The following EPHA6 variants were observed in gnomAD, a reference collection of about 807,000 sequenced individuals.
The protein encoded by EPHA6 is EPH receptor A6.
A neutral mutation model predicts 112.0 loss-of-function variants in EPHA6; 50 were observed. The ratio of observed to expected loss-of-function variants is 0.45; its 90% CI spans 0.36 to 0.56. The LOEUF (loss-of-function observed/expected upper bound fraction) is 0.56. EPHA6 is among the 20% of genes least tolerant of loss of function. The probability of loss-of-function intolerance (pLI) is 0.00; values close to 1 mark genes in which losing one functional copy is unlikely to be tolerated. For synonymous variants in EPHA6, 529 were observed against 490.7 expected (o/e 1.08, Z -1.03); for missense variants, 1,280 against 1,417.4 (o/e 0.90, Z 1.56).
chr3:97,643,885 A>T (rs1451976883), intron 14 of EPHA6, among the ~76,000 whole-genome samples: 1 of 150,984 alleles, frequency 6.6e-6, no homozygotes, highest in South Asian at 2.1e-4. Context: ...TCAATGAGAC[A>T]GAAAGTCAAC....
chr3:96,815,877 T>G (rs1237005505), intron 1 of EPHA6, among the ~76,000 whole-genome samples: 3 of 152,200 alleles, frequency 2.0e-5, no homozygotes, highest in African/African-American at 7.2e-5. Context: ...CCTTTCAGAC[T>G]AAGCATGAAA....
chr3:96,953,934 G>T (rs149395072), intron 2 of EPHA6, among the ~76,000 whole-genome samples: 6 of 151,806 alleles, frequency 4.0e-5, no homozygotes, highest in East Asian at 1.9e-4. Flanking sequence ...GTGCAGTGGC[G>T]CAATCTCAGC....
chr3:97,489,673 G>A (rs1203972755), intron 10 of EPHA6, among the ~76,000 whole-genome samples: 7 of 147,232 alleles, frequency 4.8e-5, no homozygotes, highest in African/African-American at 1.3e-4. Flanking sequence ...GCGAAAAAGC[G>A]AGACTCCGTC....
Position 97,329,059 on chromosome 3 carries a change from A to G in EPHA6, c.1607-76091A>G, listed in dbSNP as rs564727938. ...TCAACTCCCACCTATGAGTGACAAC[A>G]TGCGGTGTTTGGTTTTTTGTCCTTG... is the stretch of plus-strand genomic sequence containing the variant. On this transcript the variant is annotated intron_variant, in intron 5 of 17. Coordinates refer to ENST00000389672, the MANE Select transcript of EPHA6 (RefSeq NM_001080448.3). Among the ~76,000 whole-genome samples the G allele has an allele frequency of 1.6e-3, 239 of 152,016 alleles. 1 individual carries two copies. The highest frequency in any genetic ancestry group is 2.9e-3 in the Non-Finnish European group (197 of 68,008).
At chr3:97,199,702 C>G (rs973554807) in intron 3 of EPHA6, among the ~76,000 whole-genome samples, 3 of 152,130 alleles carry the variant, frequency 2.0e-5, no homozygotes, top group Non-Finnish European at 2.9e-5. Flanking sequence ...ATTCATTCTG[C>G]TCTAAGAACT....
chr3:97,134,431 G>A (rs889768225), intron 3 of EPHA6, among the ~76,000 whole-genome samples: 1 of 152,076 alleles, frequency 6.6e-6, no homozygotes, highest in Non-Finnish European at 1.5e-5. Context: ...TTGGCTACTG[G>A]TGTATGTGCA....
At chr3:97,631,028 T>A (rs185692438) in intron 13 of EPHA6, among the ~76,000 whole-genome samples, 40 of 152,124 alleles carry the variant, frequency 2.6e-4, no homozygotes, top group African/African-American at 8.4e-4. Flanking sequence ...AAGGTTAGAT[T>A]GATTTATGCG....
chr3:97,173,541 C>T (rs1232925433), intron 3 of EPHA6, among the ~76,000 whole-genome samples: 1 of 151,720 alleles, frequency 6.6e-6, no homozygotes, highest in Non-Finnish European at 1.5e-5. Context: ...TACTATGTGT[C>T]AGGAAACAGA....
chr3:97,536,377 C>T (rs1463510126), intron 11 of EPHA6, among the ~76,000 whole-genome samples: 1 of 152,148 alleles, frequency 6.6e-6, no homozygotes, highest in Non-Finnish European at 1.5e-5. Flanking sequence ...AAGTGCCTAC[C>T]TCCCAGCTTA....
intron 5 of EPHA6, among the ~76,000 whole-genome samples, chr3:97,329,357 G>A (rs2082656968): frequency 6.6e-6 from 1 of 151,232 alleles, no homozygotes; most frequent in Admixed American, 6.6e-5. Flanking sequence ...GGGTCAAATG[G>A]TATTTCTAGT....
At chr3:97,666,649 C>T (rs2030147211) in intron 14 of EPHA6, among the ~76,000 whole-genome samples, 1 of 152,100 alleles carries the variant, frequency 6.6e-6, no homozygotes, top group Admixed American at 6.5e-5. Flanking sequence ...AGAAGCCCAC[C>T]CTACTTCAGT....
At chr3:97,355,356 T>C (rs181227866) in intron 5 of EPHA6, among the ~76,000 whole-genome samples, 1 of 152,168 alleles carries the variant, frequency 6.6e-6, no homozygotes, top group East Asian at 1.9e-4. Context: ...CAAGAAACAG[T>C]TCAAAACCAG....
At chr3:97,655,162 T>C (rs1271968114) in intron 14 of EPHA6, among the ~76,000 whole-genome samples, 1 of 149,750 alleles carries the variant, frequency 6.7e-6, no homozygotes, top group African/African-American at 2.4e-5. Flanking sequence ...TTTTTGTGTA[T>C]GTTTTGGGGT....
In EPHA6 at chr3:97,491,038, A is replaced by G. The variant is rs1286577396; in HGVS notation, c.2200+6979A>G. Among the ~76,000 whole-genome samples, 4 of 152,346 alleles carry G rather than the reference A, an allele frequency of 2.6e-5. No individual in the cohort carries two copies. In the South Asian group the frequency reaches 8.3e-4, roughly 32 times the overall value. On this transcript the variant is annotated intron_variant, in intron 10 of 17. Transcript: ENST00000389672. ...CATCTCCAACGTGGCAGCTTGCTTC[A>G]TCAAAGCCAGCAACAGAGTCTGCTA...
intron 5 of EPHA6, among the ~76,000 whole-genome samples, chr3:97,363,222 ATATATATATATAT>A (rs2084493689): frequency 9.7e-5 from 7 of 72,454 alleles, no homozygotes; most frequent in Admixed American, 5.9e-4. Context: ...ATATATATAT[ATATATATATATAT>A]ATAAATCTCA....
rs145260179 is a variant in EPHA6, at chr3:96,817,039, T to C, written c.385+2031T>C. The stretch of plus-strand genomic sequence containing the variant: ...TTAAATAGAAGCATTAAAGATTGTC[T>C]ACTTAAACTCTTAATTTGAATTTGT... On this transcript the variant is annotated intron_variant, in intron 1 of 17. Coordinates refer to ENST00000389672, the MANE Select transcript of EPHA6 (RefSeq NM_001080448.3). Among the ~76,000 whole-genome samples the C allele has an allele frequency of 1.3e-3, 204 of 152,176 alleles. 8 individuals are homozygous for C. The East Asian group carries it at 0.037, about 27-fold the overall frequency.
At chr3:97,274,856 G>A (rs756511995) in intron 5 of EPHA6, among the ~76,000 whole-genome samples, 6 of 152,132 alleles carry the variant, frequency 3.9e-5, no homozygotes, top group South Asian at 2.1e-4. Flanking sequence ...GTGGGAGGCC[G>A]GATTGAAGTC....
intron 3 of EPHA6, among the ~76,000 whole-genome samples, chr3:97,050,974 A>G (rs78902682): frequency 1.3e-5 from 2 of 152,176 alleles, no homozygotes; most frequent in Admixed American, 1.3e-4. Flanking sequence ...TAGTCCTGGT[A>G]TGAAGAATTC....
At chr3:97,170,424 G>T (rs1424917649) in intron 3 of EPHA6, among the ~76,000 whole-genome samples, 1 of 152,072 alleles carries the variant, frequency 6.6e-6, no homozygotes. Context: ...CAAGTTTAAG[G>T]CTTGTGCTGA....
Sources: allele counts gnomAD v4.1 joint callset (sites outside exome capture counted in the v4.1 genomes callset), GRCh38; gene constraint gnomAD v4.1.1; transcripts MANE v1.5; gene names NCBI Gene and HGNC (gene_info 2026-07-23, HGNC 2026-07-21).